Variants in DGKB observed in about 807,000 individuals in gnomAD.
DGKB encodes the protein 90 kDa diacylglycerol kinase.
In DGKB, 67 loss-of-function variants were observed where a neutral mutation model predicts 114.3. That is an observed-to-expected ratio of 0.59 (90% CI 0.48 to 0.72). The LOEUF is 0.72. DGKB is among the 30% of genes least tolerant of loss of function. The pLI is 0.00. For synonymous variants in DGKB, 398 were observed against 323.1 expected (o/e 1.23, Z -2.49); for missense variants, 907 against 975.2 (o/e 0.93, Z 0.93).
chr7:14,363,946 C>T (rs1429975696), intron 21 of DGKB, among the ~76,000 whole-genome samples: 1 of 151,892 alleles, frequency 6.6e-6, no homozygotes, highest in African/African-American at 2.4e-5. Flanking sequence ...AACAATTAGA[C>T]TTTAACATAG....
At chr7:14,836,566 A>G (rs1350226090) in intron 2 of DGKB, among the ~76,000 whole-genome samples, 3 of 152,216 alleles carry the variant, frequency 2.0e-5, no homozygotes, top group Admixed American at 2.0e-4. Flanking sequence ...GAAAGCACCG[A>G]CAGACCAATA....
At chr7:14,314,342 G>A (rs1376982098) in intron 23 of DGKB, among the ~76,000 whole-genome samples, 1 of 151,798 alleles carries the variant, frequency 6.6e-6, no homozygotes, top group Non-Finnish European at 1.5e-5. Flanking sequence ...CTGAGCTACG[G>A]GAGGACATTC....
chr7:14,684,253 A>T (rs1821303043), intron 10 of DGKB, among the ~76,000 whole-genome samples: 1 of 152,168 alleles, frequency 6.6e-6, no homozygotes, highest in Admixed American at 6.5e-5. Context: ...ATTACCAAAG[A>T]AGCTGCTAGC....
chr7:14,563,689 A>G (rs1284118447), intron 20 of DGKB, among the ~76,000 whole-genome samples: 1 of 144,458 alleles, frequency 6.9e-6, no homozygotes, highest in East Asian at 2.0e-4. Flanking sequence ...TAATTGGTCC[A>G]CTGTTGGGAA....
In DGKB at chr7:14,147,766, T is replaced by C. The variant is rs749962542; in HGVS notation, c.*1365A>G. 2 of 152,540 alleles carry C rather than the reference T, an allele frequency of 1.3e-5. No homozygotes were observed. Among genetic ancestry groups the C allele is most frequent in the South Asian group, 4.1e-4 (2 of 4,832 alleles). 9.4% of individuals were successfully genotyped at this position (152,540 alleles called of 1,614,324 possible). On this transcript the variant is annotated 3_prime_UTR_variant, in exon 26 of 26. Transcript: ENST00000402815. ...TGAATGAACAATATTACAAGACTGC[T>C]CAGAAGCATTTCATTTTACATCATA...
rs762650759 is a variant in DGKB, at chr7:14,148,510, C to T, written c.*621G>A. The T allele has an allele frequency of 1.3e-5, 2 of 152,502 alleles. No homozygotes were observed. The highest frequency in any genetic ancestry group is 2.9e-5 in the Non-Finnish European group (2 of 68,030). The allele number at this position is 152,502 out of a possible 1,614,324, so 9.4% of individuals were successfully genotyped here. On this transcript the variant is annotated 3_prime_UTR_variant, in exon 26 of 26. Coordinates refer to ENST00000402815, the MANE Select transcript of DGKB (RefSeq NM_001350709.2). Reference sequence around the variant, plus strand: ...AGAAAACTAAGCAAAATAAAAACCGCGTTCTATTTTTCAGCATGAGAAAAC... The same window carrying T: ...AGAAAACTAAGCAAAATAAAAACCGTGTTCTATTTTTCAGCATGAGAAAAC...
intron 3 of DGKB, among the ~76,000 whole-genome samples, chr7:14,754,192 C>A (rs771155510): frequency 6.6e-6 from 1 of 151,944 alleles, no homozygotes; most frequent in Non-Finnish European, 1.5e-5. Context: ...TGCGTGGGGT[C>A]GGGGGGAGGC....
intron 23 of DGKB, among the ~76,000 whole-genome samples, chr7:14,284,196 C>A (rs62443696): frequency 6.7e-6 from 1 of 149,710 alleles, no homozygotes; most frequent in Non-Finnish European, 1.5e-5. Context: ...AAAAAGTGGG[C>A]GAAGGACATG....
At chr7:14,612,630 G>A (rs910428364) in intron 16 of DGKB, among the ~76,000 whole-genome samples, 1 of 152,144 alleles carries the variant, frequency 6.6e-6, no homozygotes, top group East Asian at 1.9e-4. Flanking sequence ...TGTTTGTTAT[G>A]AGTGCTTTCA....
intron 13 of DGKB, among the ~76,000 whole-genome samples, chr7:14,638,521 T>G (rs1053404673): frequency 2.6e-5 from 4 of 152,168 alleles, no homozygotes; most frequent in Non-Finnish European, 5.9e-5. Flanking sequence ...AAAAGCTGAC[T>G]GAATGCTATT....
intron 23 of DGKB, among the ~76,000 whole-genome samples, chr7:14,314,649 C>A (rs532717319): frequency 6.6e-6 from 1 of 152,078 alleles, no homozygotes; most frequent in Admixed American, 6.5e-5. Context: ...ACCAAATCTA[C>A]GTCTGACTGG....
intron 20 of DGKB, among the ~76,000 whole-genome samples, chr7:14,548,126 G>A (rs1257852333): frequency 6.6e-6 from 1 of 152,178 alleles, no homozygotes; most frequent in Non-Finnish European, 1.5e-5. Flanking sequence ...GTGAACATGA[G>A]AAAGAGCTAA....
chr7:14,867,602 G>A (rs1240419258), intron 1 of DGKB, among the ~76,000 whole-genome samples: 2 of 151,922 alleles, frequency 1.3e-5, no homozygotes, highest in African/African-American at 4.8e-5. Context: ...GCTGCATACT[G>A]TTTGTGAAAA....
chr7:14,785,714 A>G (rs1291913554), intron 2 of DGKB, among the ~76,000 whole-genome samples: 2 of 152,150 alleles, frequency 1.3e-5, no homozygotes, highest in Non-Finnish European at 2.9e-5. Context: ...AAAATTAAAT[A>G]TTGAAACATA....
intron 2 of DGKB, among the ~76,000 whole-genome samples, chr7:14,769,305 C>G (rs1447440630): frequency 1.3e-5 from 2 of 150,754 alleles, no homozygotes; most frequent in African/African-American, 2.5e-5. Flanking sequence ...AGTTTAGTTA[C>G]AAAGCCAGTT....
chr7:14,655,504 TATC>T (rs1165130915), intron 13 of DGKB, among the ~76,000 whole-genome samples: 1 of 151,754 alleles, frequency 6.6e-6, no homozygotes, highest in Non-Finnish European at 1.5e-5. Flanking sequence ...AAAATAGAAA[TATC>T]ATATAATCCA....
chr7:14,703,897 G>A (rs1404639942), intron 6 of DGKB, among the ~76,000 whole-genome samples: 3 of 152,064 alleles, frequency 2.0e-5, no homozygotes, highest in South Asian at 2.1e-4. Flanking sequence ...TGTACTTAAC[G>A]TTGGTTTTAA....
chr7:14,923,394 G>C (rs372209632), intron 1 of DGKB, among the ~76,000 whole-genome samples: 1 of 151,984 alleles, frequency 6.6e-6, no homozygotes, highest in Non-Finnish European at 1.5e-5. Flanking sequence ...ATTGTCTTTT[G>C]TTGATTCCAC....
intron 9 of DGKB, among the ~76,000 whole-genome samples, chr7:14,688,338 C>T (rs1038657263): frequency 6.6e-6 from 1 of 152,114 alleles, no homozygotes; most frequent in Non-Finnish European, 1.5e-5. Flanking sequence ...GCCATTTCAC[C>T]TTTCTTCCTA....
Sources: gnomAD v4.1 joint callset for allele counts (sites outside exome capture counted in the v4.1 genomes callset) on GRCh38, gnomAD v4.1.1 for gene constraint, MANE v1.5 for transcripts, NCBI Gene and HGNC (gene_info 2026-07-23, HGNC 2026-07-21) for gene names.